SNX10: variants seen among roughly 807,000 people sequenced by gnomAD.
SNX10 encodes sorting nexin-10.
In SNX10, 25 loss-of-function variants were observed where a neutral mutation model predicts 28.5. The ratio of observed to expected loss-of-function variants is 0.88; its 90% CI spans 0.64 to 1.22. The LOEUF (loss-of-function observed/expected upper bound fraction) is 1.22. Among genes scored for constraint, SNX10 ranks in the 50% most tolerant of loss-of-function variants. SNX10 has a pLI of 0.00. For missense variants in SNX10, 223 were observed against 242.6 expected (o/e 0.92, Z 0.54); for synonymous variants, 62 against 81.4 (o/e 0.76, Z 1.28).
At position 26,319,126 on chromosome 7, in the gene SNX10, A is replaced by G. The variant is rs941155462; in HGVS notation, c.-24+27040A>G. ...AGAGATTTATTGTACTTCTGTGGTC[A>G]TAAGAGTGGCTTGTGAACAATGTCA... On this transcript the variant is annotated intron_variant, in intron 1 of 6. Coordinates refer to ENST00000338523, the MANE Select transcript of SNX10 (RefSeq NM_013322.3). 2.0e-5 allele frequency among the ~76,000 whole-genome samples: 3 copies of G among 152,234 alleles called. No individual in the cohort carries two copies. In the East Asian group the frequency reaches 5.8e-4, roughly 29 times the overall value.
rs1400158255 is a variant in SNX10, at chr7:26,364,860, G to A, written c.213-187G>A. On this transcript the variant is annotated intron_variant, in intron 4 of 6. Transcript: ENST00000338523. This position sits in a 1 kb window ranked among gnomAD's most constrained non-coding sequence, Gnocchi z 4.9. ...ATGAAAGGCCTCAGAAATGTTTAAA[G>A]ATGGGTTTTTCTTTAAGCTGACTTC... 6.6e-6 allele frequency among the ~76,000 whole-genome samples: 1 copy of A among 152,088 alleles called. No homozygotes were observed. Among genetic ancestry groups the A allele is most frequent in the Non-Finnish European group, 1.5e-5 (1 of 68,034 alleles).
intron 1 of SNX10, chr7:26,293,130 C>G (rs1205884808): frequency 6.6e-6 from 1 of 152,246 alleles, no homozygotes; most frequent in Non-Finnish European, 1.5e-5. Context: ...TTGCCTCTGC[C>G]ATCACTTCCA....
chr7:26,330,699 G>C (rs1346416449), intron 1 of SNX10, among the ~76,000 whole-genome samples: 1 of 152,100 alleles, frequency 6.6e-6, no homozygotes, highest in Non-Finnish European at 1.5e-5. Context: ...CATAGGAGGA[G>C]GGTGTTTTGG....
intron 1 of SNX10, among the ~76,000 whole-genome samples, chr7:26,317,556 T>A (rs1168227505): frequency 6.6e-6 from 1 of 152,080 alleles, no homozygotes; most frequent in African/African-American, 2.4e-5. Flanking sequence ...CTTATTTAAG[T>A]CTCTTACTCT....
intron 1 of SNX10, chr7:26,292,912 G>T (rs910204845): frequency 3.9e-5 from 6 of 152,286 alleles, no homozygotes; most frequent in African/African-American, 1.2e-4. Flanking sequence ...AACCTGGCAG[G>T]CTTCTGACTT....
chr7:26,348,185 C>T (rs12532473), intron 2 of SNX10, among the ~76,000 whole-genome samples: 56,304 of 152,032 alleles, frequency 0.37, 11,013 homozygotes, highest in South Asian at 0.61. Context: ...GTCCCCCTCA[C>T]TTCCACCCCT....
intron 2 of SNX10, among the ~76,000 whole-genome samples, chr7:26,346,987 G>A (rs952243222): frequency 5.3e-5 from 8 of 152,206 alleles, no homozygotes; most frequent in Non-Finnish European, 1.0e-4. Flanking sequence ...CAGCCCTCAT[G>A]CCAGCCCCGG....
At chr7:26,352,329 C>T (rs1339363910) in intron 2 of SNX10, among the ~76,000 whole-genome samples, 6 of 152,044 alleles carry the variant, frequency 3.9e-5, no homozygotes, top group South Asian at 2.1e-4. Context: ...TTGGCCAAGG[C>T]GAGATCACTT....
At chr7:26,324,262 T>G (rs1787412560) in intron 1 of SNX10, among the ~76,000 whole-genome samples, 1 of 133,830 alleles carries the variant, frequency 7.5e-6, no homozygotes, top group Non-Finnish European at 1.8e-5. Flanking sequence ...TAAAAAAATG[T>G]GTGTGAGAAA....
chr7:26,361,837 C>T (rs1789084605), intron 3 of SNX10, among the ~76,000 whole-genome samples: 1 of 152,128 alleles, frequency 6.6e-6, no homozygotes, highest in African/African-American at 2.4e-5. Flanking sequence ...CAGATTTGGC[C>T]CTCAGGCTGT....
intron 1 of SNX10, among the ~76,000 whole-genome samples, chr7:26,293,923 G>T (rs556719923): frequency 1.5e-4 from 23 of 152,292 alleles, no homozygotes; most frequent in African/African-American, 5.5e-4. Context: ...ATTCTGCTGG[G>T]CTTTGGAGCA....
In SNX10 at chr7:26,364,568, T is replaced by C. The variant is rs781209024; in HGVS notation, c.145T>C (p.Cys49Arg). 9 of 1,614,038 alleles carry C rather than the reference T, an allele frequency of 5.6e-6. No individual in the cohort carries two copies. The highest frequency in any genetic ancestry group is 7.6e-6 in the Non-Finnish European group (9 of 1,179,930). ...NSMCFTMKTS[C>R]VRRRYREFVW... is the part of the protein sequence containing the mutation. ...CATGTGTTTTACAATGAAAACATCC[T>C]GTGTACGAAGAAGATATAGAGAATT... The change falls in exon 4 of 7, where the codon TGT (cysteine) becomes CGT (arginine). Residue 49 changes from cysteine to arginine, a missense_variant. Coordinates refer to ENST00000338523, the MANE Select transcript of SNX10 (RefSeq NM_013322.3). This position sits in a 1 kb window ranked among gnomAD's most constrained non-coding sequence, Gnocchi z 4.9.
intron 1 of SNX10, among the ~76,000 whole-genome samples, chr7:26,299,585 C>T (rs899159374): frequency 6.6e-6 from 1 of 151,908 alleles, no homozygotes; most frequent in Non-Finnish European, 1.5e-5. Flanking sequence ...TGAGCACCAC[C>T]ATACCCAGAT....
At chr7:26,312,220 C>T (rs1302072077) in intron 1 of SNX10, among the ~76,000 whole-genome samples, 2 of 152,096 alleles carry the variant, frequency 1.3e-5, no homozygotes, top group Admixed American at 6.6e-5. Flanking sequence ...ATTTTTATAA[C>T]TTTGGAGTAG....
chr7:26,353,252 G>A (rs955081841), intron 2 of SNX10, among the ~76,000 whole-genome samples: 37 of 152,040 alleles, frequency 2.4e-4, no homozygotes, highest in African/African-American at 8.7e-4. Context: ...CTTGTCATAT[G>A]TCTCTTAAGT....
chr7:26,333,284 G>A (rs1269062862), intron 1 of SNX10, among the ~76,000 whole-genome samples: 1 of 140,702 alleles, frequency 7.1e-6, no homozygotes, highest in Non-Finnish European at 1.6e-5. Flanking sequence ...TATACATTTT[G>A]TACTTCTTTT....
At chr7:26,313,589 G>A (rs555888403) in intron 1 of SNX10, among the ~76,000 whole-genome samples, 18 of 152,258 alleles carry the variant, frequency 1.2e-4, no homozygotes, top group African/African-American at 3.4e-4. Flanking sequence ...GGCATTAGAC[G>A]AATTGGGGGC....
At chr7:26,306,261 A>G (rs966702791) in intron 1 of SNX10, among the ~76,000 whole-genome samples, 2 of 152,100 alleles carry the variant, frequency 1.3e-5, no homozygotes, top group Non-Finnish European at 2.9e-5. Flanking sequence ...GGCTTCTTAG[A>G]TCAAGGCCAG....
At chr7:26,358,627 A>G (rs1788922813) in intron 2 of SNX10, among the ~76,000 whole-genome samples, 1 of 151,980 alleles carries the variant, frequency 6.6e-6, no homozygotes, top group Non-Finnish European at 1.5e-5. Context: ...TAGTCCAGCT[A>G]CTGGGGGCGG....
Sources: allele counts gnomAD v4.1 joint callset (sites outside exome capture counted in the v4.1 genomes callset), GRCh38; gene constraint gnomAD v4.1.1; non-coding constraint Gnocchi (gnomAD v3.1); transcripts MANE v1.5; gene names NCBI Gene and HGNC (gene_info 2026-07-23, HGNC 2026-07-21).